RASA3: variants seen among roughly 807,000 people sequenced by gnomAD.
RASA3 encodes RAS p21 protein activator 3.
In RASA3, 73 loss-of-function variants were observed where a neutral mutation model predicts 110.0. The ratio of observed to expected loss-of-function variants is 0.66; its 90% CI spans 0.55 to 0.81. The LOEUF (loss-of-function observed/expected upper bound fraction) is 0.81. Ranked by LOEUF, RASA3 falls within the 30% of genes least tolerant of loss-of-function variation. RASA3 has a pLI of 0.00. For synonymous variants in RASA3, 500 were observed against 451.4 expected (o/e 1.11, Z -1.37); for missense variants, 976 against 1,113.2 (o/e 0.88, Z 1.75).
At chr13:114,023,424 C>T (rs1191003629) in intron 8 of RASA3, among the ~76,000 whole-genome samples, 2 of 152,212 alleles carry the variant, frequency 1.3e-5, no homozygotes, top group African/African-American at 4.8e-5. Context: ...CTTCTCTGTC[C>T]AGCATGGGAA....
At chr13:114,039,999 G>A (rs893693180) in intron 4 of RASA3, among the ~76,000 whole-genome samples, 2 of 152,232 alleles carry the variant, frequency 1.3e-5, no homozygotes, top group African/African-American at 2.4e-5. Context: ...CCAGCCAACC[G>A]TGGGGAAGTG....
rs368920014 is a variant in RASA3 at position 114,015,339 on chromosome 13, C to T, written c.1282-7G>A. 43 of 1,612,304 alleles carry T rather than the reference C, an allele frequency of 2.7e-5. No homozygotes were observed. Among genetic ancestry groups the T allele is most frequent in the East Asian group, 4.5e-5 (2 of 44,884 alleles). On this transcript the variant is annotated splice_region_variant and splice_polypyrimidine_tract_variant and intron_variant, in intron 13 of 23. Coordinates refer to ENST00000334062, the MANE Select transcript of RASA3 (RefSeq NM_007368.4). ...CATACTGCCGTAGGTTCTCCTGCAA[C>T]GGGACACGGCACTGGGACCCACTCC...
chr13:114,055,696 T>G (rs2079232715), intron 2 of RASA3, among the ~76,000 whole-genome samples: 1 of 152,116 alleles, frequency 6.6e-6, no homozygotes, highest in Admixed American at 6.5e-5. Flanking sequence ...GCCGTGGTGT[T>G]TGAATGTGTG....
At chr13:114,088,389 C>A (rs1053194958) in intron 1 of RASA3, among the ~76,000 whole-genome samples, 1 of 152,136 alleles carries the variant, frequency 6.6e-6, no homozygotes, top group Non-Finnish European at 1.5e-5. Flanking sequence ...GAGCTCCCAG[C>A]CATTTGCTCT....
chr13:114,015,153 C>G, intron 14 of RASA3, 56 bp downstream of exon 14: 1 of 1,603,680 alleles, frequency 6.2e-7, no homozygotes, highest in Non-Finnish European at 8.5e-7. Flanking sequence ...GTGGGAGTCA[C>G]CCTGCACAGC....
chr13:113,995,605 GGGGGCCCTGCTGATGGGGGGCCTGACA>G (rs2053214186), intron 21 of RASA3, among the ~76,000 whole-genome samples: 1 of 151,252 alleles, frequency 6.6e-6, no homozygotes, highest in African/African-American at 2.4e-5. Flanking sequence ...CCGGCTGATG[GGGGGCCCTGCTGATGGGGGGCCTGACA>G]GGGGGCCCAG....
rs2079436745 is a variant in RASA3, at chr13:114,065,746, G to A, written c.173+7974C>T. 6.6e-6 allele frequency among the ~76,000 whole-genome samples: 1 copy of A among 151,954 alleles called. No individual in the cohort carries two copies. The highest frequency in any genetic ancestry group is 2.4e-5 in the African/African-American group (1 of 41,368). ...GGCTCCCAGAGGTCAGAGGCTGGAG[G>A]GCAGGGGTCCGTGGTCAGCTCACAG... On this transcript the variant is annotated intron_variant, in intron 2 of 23. Coordinates refer to ENST00000334062, the MANE Select transcript of RASA3 (RefSeq NM_007368.4). This position sits in a 1 kb window ranked among gnomAD's most constrained non-coding sequence, Gnocchi z 4.1.
intron 11 of RASA3, 67 bp downstream of exon 11, chr13:114,018,037 G>C: frequency 4.9e-6 from 7 of 1,416,250 alleles, no homozygotes; most frequent in East Asian, 2.8e-5. Flanking sequence ...CGTGGTTCTC[G>C]GCGACGACCT....
chr13:114,088,604 T>G (rs1030129808), intron 1 of RASA3, among the ~76,000 whole-genome samples: 1 of 151,252 alleles, frequency 6.6e-6, no homozygotes, highest in African/African-American at 2.4e-5. Flanking sequence ...CAGGCTGGAG[T>G]GCGATGGTGC....
intron 23 of RASA3, among the ~76,000 whole-genome samples, chr13:113,980,176 C>T (rs1254804160): frequency 1.3e-5 from 2 of 148,956 alleles, no homozygotes; most frequent in African/African-American, 2.5e-5. Context: ...CACGTGTGTG[C>T]ACCTCCTCCC....
chr13:114,078,855 C>T (rs2079734583), intron 1 of RASA3, among the ~76,000 whole-genome samples: 1 of 152,176 alleles, frequency 6.6e-6, no homozygotes, highest in Admixed American at 6.5e-5. Flanking sequence ...TCTCCAAGTG[C>T]TGACAGCGAG....
At chr13:114,073,876 A>G (rs2079622422) in intron 1 of RASA3, 39 bp from the exon 2 acceptor site, 2 of 1,518,066 alleles carry the variant, frequency 1.3e-6, no homozygotes, top group Non-Finnish European at 1.8e-6. Flanking sequence ...AGCAGCGTAG[A>G]AATGTTTGTT....
intron 1 of RASA3, among the ~76,000 whole-genome samples, chr13:114,102,757 C>T (rs1486390895): frequency 6.6e-6 from 1 of 152,202 alleles, no homozygotes; most frequent in African/African-American, 2.4e-5. Flanking sequence ...ACTAAACCAC[C>T]TCTGTCCTAT....
chr13:114,078,861 G>T (rs1486304891), intron 1 of RASA3, among the ~76,000 whole-genome samples: 1 of 152,198 alleles, frequency 6.6e-6, no homozygotes, highest in African/African-American at 2.4e-5. Context: ...AGTGCTGACA[G>T]CGAGCTGTCG....
At chr13:114,061,253 T>C (rs1485448809) in intron 2 of RASA3, among the ~76,000 whole-genome samples, 5 of 151,826 alleles carry the variant, frequency 3.3e-5, no homozygotes, top group Non-Finnish European at 7.4e-5. Context: ...CCCTCCGCCA[T>C]GGCCGGGGAC....
Position 114,029,303 on chromosome 13 carries a change from A to G in RASA3, c.449+508T>C, listed in dbSNP as rs75465151. ...CTGGGGCCAGGACCTCTAAAACGGC[A>G]TCATCCTGGGGGCCAGGACCTCTAA... is the stretch of plus-strand genomic sequence containing the variant. On this transcript the variant is annotated intron_variant, in intron 5 of 23. Transcript: ENST00000334062. Among the ~76,000 whole-genome samples the G allele has an allele frequency of 2.9e-4, 3 of 10,382 alleles. 1 individual carries two copies. Among genetic ancestry groups the G allele is most frequent in the Admixed American group, 1.7e-3 (2 of 1,176 alleles). 6.8% of individuals were successfully genotyped at this position (10,382 alleles called of 152,430 possible).
chr13:114,080,840 G>A (rs1286105394), intron 1 of RASA3, among the ~76,000 whole-genome samples: 13 of 152,296 alleles, frequency 8.5e-5, no homozygotes, highest in East Asian at 1.9e-4. Flanking sequence ...GCACAGGGCC[G>A]TCCACCTAGA....
chr13:114,015,131 G>C (rs928108863), intron 14 of RASA3, 78 bp downstream of exon 14: 2 of 1,569,302 alleles, frequency 1.3e-6, no homozygotes, highest in African/African-American at 2.7e-5. Flanking sequence ...GGCTGCGGGG[G>C]GTTCTGCCTG....
intron 15 of RASA3, 123 bp downstream of exon 15, chr13:114,013,019 C>T (rs2053674746): frequency 2.1e-5 from 15 of 730,384 alleles, no homozygotes; most frequent in Non-Finnish European, 1.1e-5. Flanking sequence ...CCTGATTCCT[C>T]ACACACTCCC....
Sources: gnomAD v4.1 joint callset for allele counts (sites outside exome capture counted in the v4.1 genomes callset) on GRCh38, gnomAD v4.1.1 for gene constraint, Gnocchi (gnomAD v3.1) non-coding constraint, MANE v1.5 for transcripts, NCBI Gene and HGNC (gene_info 2026-07-23, HGNC 2026-07-21) for gene names.